NAALADL2: variants seen among roughly 807,000 people sequenced by gnomAD.
The protein encoded by NAALADL2 is inactive N-acetylated-alpha-linked acidic dipeptidase-like protein 2.
In NAALADL2, 76 loss-of-function variants were observed where a neutral mutation model predicts 87.2. The ratio of observed to expected loss-of-function variants is 0.87; its 90% CI spans 0.72 to 1.05. The LOEUF is 1.05. NAALADL2 is among the 50% of genes least tolerant of loss of function. The probability of loss-of-function intolerance (pLI) is 0.00; values close to 1 mark genes in which losing one functional copy is unlikely to be tolerated. For synonymous variants in NAALADL2, 354 were observed against 331.0 expected, an observed-to-expected ratio of 1.07 and a Z score of -0.75; for missense variants, 1,089 against 945.8, an observed-to-expected ratio of 1.15 and a Z score of -1.99.
chr3:175,002,475 A>G (rs1259819422), intron 1 of NAALADL2, among the ~76,000 whole-genome samples: 1 of 152,158 alleles, frequency 6.6e-6, no homozygotes, highest in Admixed American at 6.5e-5. Flanking sequence ...TCGATCGTGT[A>G]TTGAAAGAGC....
chr3:175,323,349 G>A (rs1365917928), intron 4 of NAALADL2, among the ~76,000 whole-genome samples: 1 of 104,782 alleles, frequency 9.5e-6, no homozygotes, highest in Non-Finnish European at 1.8e-5. Flanking sequence ...GGGGTGGGGG[G>A]AGGGGGGAGG....
intron 1 of NAALADL2, among the ~76,000 whole-genome samples, chr3:174,927,081 T>C (rs1356702386): frequency 6.8e-6 from 1 of 148,028 alleles, no homozygotes; most frequent in African/African-American, 2.5e-5. Context: ...TAAAACAGAC[T>C]TTAAACCAAC....
At position 175,317,032 on chromosome 3, in the gene NAALADL2, A is replaced by T. The variant is rs766418890; in HGVS notation, c.940-7143A>T. On this transcript the variant is annotated intron_variant, in intron 4 of 13. Transcript: ENST00000454872. ...ACAGTGGAAGAGGGAGCTAAATCAC[A>T]TATTGGGCTGTATCCCTTCAGGGCT... 2.0e-5 allele frequency among the ~76,000 whole-genome samples: 3 copies of T among 152,278 alleles called. 1 individual carries two copies. Among genetic ancestry groups the T allele is most frequent in the South Asian group, 4.1e-4 (2 of 4,826 alleles).
Position 174,997,777 on chromosome 3 carries a change from A to G in NAALADL2, c.44-99013A>G, listed in dbSNP as rs773909787. The stretch of plus-strand genomic sequence containing the variant: ...GGTTGCAGTGAGCCAAGATTGTTCC[A>G]CTTTACTCCAGCCTGGGCAGAAGAG... On this transcript the variant is annotated intron_variant, in intron 1 of 13. Coordinates refer to ENST00000454872, the MANE Select transcript of NAALADL2 (RefSeq NM_207015.3). Among the ~76,000 whole-genome samples the G allele has an allele frequency of 1.2e-4, 19 of 152,200 alleles. No individual in the cohort carries two copies. The Middle Eastern group carries it at 0.014, about 109-fold the overall frequency.
intron 2 of NAALADL2, among the ~76,000 whole-genome samples, chr3:174,612,609 T>G (rs936414370): frequency 6.6e-6 from 1 of 152,154 alleles, no homozygotes; most frequent in African/African-American, 2.4e-5. Flanking sequence ...TGAATTGCAT[T>G]TTTAGCTCCA....
At chr3:174,534,052 T>G (rs566981755) in intron 1 of NAALADL2, among the ~76,000 whole-genome samples, 1 of 152,268 alleles carries the variant, frequency 6.6e-6, no homozygotes, top group Non-Finnish European at 1.5e-5. Flanking sequence ...AGGTAGAAAA[T>G]ATATTTTAAT....
At chr3:174,827,822 T>C (rs1487348959) in intron 3 of NAALADL2, among the ~76,000 whole-genome samples, 1 of 152,134 alleles carries the variant, frequency 6.6e-6, no homozygotes, top group Non-Finnish European at 1.5e-5. Flanking sequence ...GTAGCAAACA[T>C]ATTTTATATT....
chr3:175,374,696 A>C (rs1435151728), intron 5 of NAALADL2, among the ~76,000 whole-genome samples: 1 of 151,420 alleles, frequency 6.6e-6, no homozygotes, highest in Admixed American at 6.6e-5. Flanking sequence ...AACATGGAGA[A>C]AACTCATCTC....
At chr3:175,234,338 A>T (rs1440276524) in intron 3 of NAALADL2, 134 bp downstream of exon 3, 1 of 919,394 alleles carries the variant, frequency 1.1e-6, no homozygotes, top group Non-Finnish European at 1.6e-6. Flanking sequence ...TGGAAGTGCC[A>T]GGAAAGAGAA....
chr3:175,016,746 A>G, intron 1 of NAALADL2, among the ~76,000 whole-genome samples: 1 of 151,966 alleles, frequency 6.6e-6, no homozygotes, highest in East Asian at 1.9e-4. Context: ...ATCATAATGA[A>G]TTATATTTTT....
At chr3:174,847,854 G>A (rs969337001) in intron 3 of NAALADL2, among the ~76,000 whole-genome samples, 1 of 150,020 alleles carries the variant, frequency 6.7e-6, no homozygotes, top group Non-Finnish European at 1.5e-5. Flanking sequence ...TAATTTCAAA[G>A]ATCCACCCAG....
chr3:174,690,792 A>G (rs1728504386), intron 2 of NAALADL2, among the ~76,000 whole-genome samples: 1 of 152,188 alleles, frequency 6.6e-6, no homozygotes, highest in Non-Finnish European at 1.5e-5. Context: ...TAATGTAAAT[A>G]TCCACTTTTA....
At chr3:175,315,079 A>G (rs140349783) in intron 4 of NAALADL2, among the ~76,000 whole-genome samples, 1 of 152,168 alleles carries the variant, frequency 6.6e-6, no homozygotes, top group Non-Finnish European at 1.5e-5. Flanking sequence ...AATACTTCCA[A>G]TGATGCATTC....
intron 1 of NAALADL2, among the ~76,000 whole-genome samples, chr3:174,978,032 T>C (rs935057150): frequency 1.3e-5 from 2 of 152,204 alleles, no homozygotes; most frequent in Non-Finnish European, 2.9e-5. Flanking sequence ...CTGTTCTAAA[T>C]GCTTTCTGTG....
At chr3:175,086,252 A>G (rs769311703) in intron 1 of NAALADL2, among the ~76,000 whole-genome samples, 7 of 152,228 alleles carry the variant, frequency 4.6e-5, no homozygotes, top group Non-Finnish European at 8.8e-5. Context: ...ATAGGAAAGA[A>G]TGAAATGAAC....
intron 6 of NAALADL2, 28 bp from the exon 7 acceptor site, chr3:175,463,373 A>C (rs1464590159): frequency 1.5e-6 from 2 of 1,373,518 alleles, no homozygotes; most frequent in Admixed American, 2.2e-5. Context: ...ATAAAGAAGC[A>C]AAAGTCTTTA....
At chr3:175,052,749 T>C (rs1357893509) in intron 1 of NAALADL2, among the ~76,000 whole-genome samples, 1 of 152,258 alleles carries the variant, frequency 6.6e-6, no homozygotes, top group African/African-American at 2.4e-5. Context: ...TTCCCAAATT[T>C]TGATCTTATT....
chr3:175,430,317 A>G (rs1225200275), intron 5 of NAALADL2, among the ~76,000 whole-genome samples: 1 of 151,630 alleles, frequency 6.6e-6, no homozygotes, highest in Non-Finnish European at 1.5e-5. Context: ...ACATATACAT[A>G]TATACATGAT....
In NAALADL2 at chr3:175,624,244, AT is replaced by A. The variant is rs746827717; in HGVS notation, c.1801-3040del. On this transcript the variant is annotated intron_variant, in intron 10 of 13. Transcript: ENST00000454872. The stretch of plus-strand genomic sequence containing the variant: ...TAGGATCTTGGAAGTGGCCTCAGTC[AT>A]TTTTTTAAGTCAACTTATTAATACA... Among the ~76,000 whole-genome samples, 251 of 152,054 alleles carry A rather than the reference AT, an allele frequency of 1.7e-3. 1 individual carries two copies. Among genetic ancestry groups the A allele is most frequent in the Middle Eastern group, 3.4e-3 (1 of 294 alleles).
Sources: gnomAD v4.1 joint callset for allele counts (sites outside exome capture counted in the v4.1 genomes callset) on GRCh38, gnomAD v4.1.1 for gene constraint, MANE v1.5 for transcripts, NCBI Gene and HGNC (gene_info 2026-07-23, HGNC 2026-07-21) for gene names.